Variants in DPP10 observed in about 807,000 individuals in gnomAD.
DPP10 encodes the protein inactive dipeptidyl peptidase 10.
Under a neutral mutation model 120.9 loss-of-function variants are expected in DPP10, and 33 were observed. The observed-to-expected ratio is 0.27, with a 90% CI of 0.21 to 0.37. The LOEUF (loss-of-function observed/expected upper bound fraction) is 0.37. Among genes scored for constraint, DPP10 ranks in the 10% least tolerant of loss-of-function variants. DPP10 has a pLI of 1.00. For synonymous variants in DPP10, 337 were observed against 326.1 expected (o/e 1.03, Z -0.36); for missense variants, 816 against 942.8 (o/e 0.87, Z 1.76).
chr2:115,161,884 G>T, intron 1 of DPP10: 2 of 1,373,586 alleles, frequency 1.5e-6, no homozygotes, highest in South Asian at 1.5e-5. Context: ...CGTGACCTGC[G>T]AACGCTGCCA....
At chr2:115,015,752 G>A (rs989083638) in intron 1 of DPP10, among the ~76,000 whole-genome samples, 1 of 152,096 alleles carries the variant, frequency 6.6e-6, no homozygotes, top group Non-Finnish European at 1.5e-5. Context: ...ATTCACAATT[G>A]CTACAAAGAG....
intron 1 of DPP10, among the ~76,000 whole-genome samples, chr2:114,744,290 T>G (rs1467102765): frequency 1.3e-5 from 2 of 152,128 alleles, no homozygotes; most frequent in Non-Finnish European, 2.9e-5. Context: ...GCTTCAGCTG[T>G]AAAAAGGCAC....
intron 1 of DPP10, among the ~76,000 whole-genome samples, chr2:114,776,530 A>T (rs147889020): frequency 6.6e-6 from 1 of 152,184 alleles, no homozygotes; most frequent in Non-Finnish European, 1.5e-5. Flanking sequence ...GCTAGATCTG[A>T]GTGAACACTG....
At chr2:115,215,436 T>C (rs1194211466) in intron 1 of DPP10, among the ~76,000 whole-genome samples, 4 of 152,196 alleles carry the variant, frequency 2.6e-5, no homozygotes, top group Admixed American at 2.6e-4. Flanking sequence ...ACTTTAAGTT[T>C]TAAAGTTTTT....
intron 1 of DPP10, among the ~76,000 whole-genome samples, chr2:114,643,242 G>C (rs933575675): frequency 2.0e-5 from 3 of 151,750 alleles, no homozygotes; most frequent in Non-Finnish European, 4.4e-5. Flanking sequence ...CCTCATGAAG[G>C]GTCCTTCAAA....
Position 115,706,726 on chromosome 2 carries a change from T to C in DPP10, c.576+16805T>C, listed in dbSNP as rs969008269. Among the ~76,000 whole-genome samples the C allele has an allele frequency of 4.6e-5, 7 of 152,070 alleles. 1 individual carries two copies. Among genetic ancestry groups the C allele is most frequent in the Admixed American group, 3.9e-4 (6 of 15,218 alleles). On this transcript the variant is annotated intron_variant, in intron 7 of 25. Coordinates refer to ENST00000410059, the MANE Select transcript of DPP10 (RefSeq NM_020868.6). ...AAACTTAAGAAAAATGATAAGATTA[T>C]AATAGTATCTACCACAAGATGTGAA...
intron 7 of DPP10, among the ~76,000 whole-genome samples, chr2:115,703,107 C>T (rs187830753): frequency 4.6e-5 from 7 of 151,876 alleles, no homozygotes; most frequent in Middle Eastern, 3.4e-3. Flanking sequence ...AGGGATTTCA[C>T]CTTTAGAAGG....
chr2:115,145,163 TAAAAG>T (rs1212336098), intron 1 of DPP10: 2 of 151,854 alleles, frequency 1.3e-5, no homozygotes, highest in Non-Finnish European at 2.9e-5. Context: ...AAAGAAGAAA[TAAAAG>T]AAAGGCAAGA....
chr2:115,784,406 C>T (rs1021632770), intron 17 of DPP10, among the ~76,000 whole-genome samples: 6 of 151,950 alleles, frequency 3.9e-5, no homozygotes, highest in African/African-American at 9.7e-5. Flanking sequence ...ATCAAAGAAA[C>T]GCAGAAGAAA....
At chr2:115,115,071 G>T (rs1285534354) in intron 1 of DPP10, among the ~76,000 whole-genome samples, 1 of 151,808 alleles carries the variant, frequency 6.6e-6, no homozygotes, top group Non-Finnish European at 1.5e-5. Context: ...TTGTCTATGT[G>T]TATGACCGAT....
At chr2:114,666,668 G>A (rs1378602695) in intron 1 of DPP10, among the ~76,000 whole-genome samples, 2 of 152,128 alleles carry the variant, frequency 1.3e-5, no homozygotes, top group African/African-American at 4.8e-5. Context: ...AAGAGGTTGA[G>A]GCACCTTAGA....
chr2:115,675,718 G>T (rs1045158192), intron 5 of DPP10, among the ~76,000 whole-genome samples: 4 of 152,124 alleles, frequency 2.6e-5, no homozygotes, highest in Admixed American at 6.5e-5. Context: ...AGAGGGAGTT[G>T]CCTGGAGTTC....
intron 1 of DPP10, among the ~76,000 whole-genome samples, chr2:115,092,203 A>C (rs1357056883): frequency 1.3e-5 from 2 of 152,234 alleles, no homozygotes; most frequent in African/African-American, 4.8e-5. Flanking sequence ...CAATGACTAT[A>C]TTCTTGAACA....
chr2:115,661,946 T>C (rs1282374951), intron 5 of DPP10, among the ~76,000 whole-genome samples: 1 of 152,208 alleles, frequency 6.6e-6, no homozygotes, highest in African/African-American at 2.4e-5. Context: ...GTCATAGTGT[T>C]GTGCATTAGG....
chr2:115,777,879 T>G (rs1179870823), intron 15 of DPP10, 45 bp downstream of exon 15: 1 of 1,582,912 alleles, frequency 6.3e-7, no homozygotes, highest in East Asian at 2.2e-5. Context: ...GGCTTCTCAA[T>G]GGCTATCTAT....
At chr2:115,013,934 A>G (rs541798924) in intron 1 of DPP10, among the ~76,000 whole-genome samples, 3 of 152,266 alleles carry the variant, frequency 2.0e-5, no homozygotes, top group African/African-American at 7.2e-5. Context: ...AGACAGATCA[A>G]TGAGACAGAA....
intron 1 of DPP10, among the ~76,000 whole-genome samples, chr2:114,567,407 G>A (rs1689285703): frequency 6.6e-6 from 1 of 152,080 alleles, no homozygotes; most frequent in South Asian, 2.1e-4. Context: ...TTATTCTGGT[G>A]GGACTGATAT....
chr2:115,421,766 G>T (rs938676913), intron 3 of DPP10, among the ~76,000 whole-genome samples: 7 of 150,766 alleles, frequency 4.6e-5, no homozygotes, highest in African/African-American at 1.2e-4. Context: ...AGCTACTCAG[G>T]AGGCTGAGGC....
At chr2:115,753,747 A>C (rs1679050617) in intron 11 of DPP10, among the ~76,000 whole-genome samples, 1 of 152,180 alleles carries the variant, frequency 6.6e-6, no homozygotes, top group Non-Finnish European at 1.5e-5. Flanking sequence ...AACAAGTAAA[A>C]AATTGGTTCA....
Sources: gnomAD v4.1 joint callset for allele counts (sites outside exome capture counted in the v4.1 genomes callset) on GRCh38, gnomAD v4.1.1 for gene constraint, MANE v1.5 for transcripts, NCBI Gene and HGNC (gene_info 2026-07-23, HGNC 2026-07-21) for gene names.